Variants in RBPMS observed in about 807,000 individuals in gnomAD.
RBPMS encodes RNA-binding protein with multiple splicing.
In RBPMS, 7 loss-of-function variants were observed where a neutral mutation model predicts 26.8. That is an observed-to-expected ratio of 0.26 (90% CI 0.15 to 0.49). The LOEUF (loss-of-function observed/expected upper bound fraction) is 0.49. Among genes scored for constraint, RBPMS ranks in the 20% least tolerant of loss-of-function variants. The probability of loss-of-function intolerance (pLI) is 0.98; values close to 1 mark genes in which losing one functional copy is unlikely to be tolerated. For synonymous variants in RBPMS, 96 were observed against 93.3 expected (o/e 1.03, Z -0.17); for missense variants, 186 against 250.0 (o/e 0.74, Z 1.73).
chr8:30,490,006 A>T (rs902055136), intron 4 of RBPMS, among the ~76,000 whole-genome samples: 1 of 149,722 alleles, frequency 6.7e-6, no homozygotes, highest in Non-Finnish European at 1.5e-5. Flanking sequence ...TAGAGACAGG[A>T]TTTCACTGTG....
chr8:30,477,719 A>G, intron 2 of RBPMS, 80 bp from the exon 3 acceptor site: 1 of 986,662 alleles, frequency 1.0e-6, no homozygotes, highest in Non-Finnish European at 1.6e-6. Flanking sequence ...TAGGTAATCA[A>G]TAAAGAACTT....
chr8:30,511,480 AAAAAAAATATATATATATAT>A (rs1207241769), intron 5 of RBPMS, among the ~76,000 whole-genome samples: 6 of 16,528 alleles, frequency 3.6e-4, no homozygotes, highest in South Asian at 2.1e-3. Flanking sequence ...AGAAAAAAAA[AAAAAAAATATATATATATAT>A]ATATATATAT....
In RBPMS at chr8:30,512,544, A is replaced by T. The variant is rs908146270; in HGVS notation, c.397+8108A>T. 2.6e-5 allele frequency among the ~76,000 whole-genome samples: 4 copies of T among 152,090 alleles called. No homozygotes were observed. In the South Asian group the frequency reaches 8.3e-4, roughly 32 times the overall value. Reference sequence around the variant, plus strand: ...ACCCAGGCTGGAGTACAGTGGTGCAATCATAGTCATATCTCATCACTTCAG... The same window carrying T: ...ACCCAGGCTGGAGTACAGTGGTGCATTCATAGTCATATCTCATCACTTCAG... On this transcript the variant is annotated intron_variant, in intron 5 of 8. Transcript: ENST00000397323.
intron 5 of RBPMS, among the ~76,000 whole-genome samples, chr8:30,506,726 A>G (rs1349516771): frequency 6.6e-6 from 1 of 152,190 alleles, no homozygotes; most frequent in Admixed American, 6.5e-5. Flanking sequence ...TGTAGGCCAT[A>G]GAGGTTTTTT....
rs117740344 is a variant in RBPMS, at chr8:30,409,541, C to T, written c.66+24383C>T. 1.2e-3 allele frequency among the ~76,000 whole-genome samples: 183 copies of T among 152,172 alleles called. No homozygotes were observed. In the Middle Eastern group the frequency reaches 0.02, roughly 17 times the overall value. On this transcript the variant is annotated intron_variant, in intron 1 of 8. Transcript: ENST00000397323. Reference sequence around the variant, plus strand: ...CCAGTTATTTCTACTTTTTTCTGTCCGAGCTTATCCTTTGGGCTTTCCCCC... The same window carrying T: ...CCAGTTATTTCTACTTTTTTCTGTCTGAGCTTATCCTTTGGGCTTTCCCCC...
chr8:30,508,563 G>A (rs1360051987), intron 5 of RBPMS, among the ~76,000 whole-genome samples: 1 of 151,984 alleles, frequency 6.6e-6, no homozygotes, highest in Non-Finnish European at 1.5e-5. Context: ...ATAATTAAAA[G>A]ACCTGTAGTT....
chr8:30,523,181 A>C (rs1198169737), intron 5 of RBPMS, among the ~76,000 whole-genome samples: 1 of 152,128 alleles, frequency 6.6e-6, no homozygotes, highest in African/African-American at 2.4e-5. Context: ...GTTTGAGACC[A>C]GCCTGCCCAA....
rs568700524 is a variant in RBPMS at position 30,557,861 on chromosome 8, T to C, written c.529-1026T>C. Among the ~76,000 whole-genome samples the C allele has an allele frequency of 1.4e-3, 207 of 152,290 alleles. 3 individuals carry two copies. The highest frequency in any genetic ancestry group is 0.012 in the South Asian group (59 of 4,824). On this transcript the variant is annotated intron_variant, in intron 6 of 8. Transcript: ENST00000397323. ...CAAACGGCGCTTGCCCTTTTGGGTG[T>C]TTTTTGTTTTGTTTCTTGTTTGTTT...
chr8:30,555,880 A>G (rs1322890257), intron 6 of RBPMS: 1 of 985,424 alleles, frequency 1.0e-6, no homozygotes, highest in East Asian at 1.1e-4. Context: ...TTACCCCCAC[A>G]CAGTGATTAG....
intron 7 of RBPMS, chr8:30,564,613 C>A (rs910442943): frequency 1.3e-5 from 2 of 152,560 alleles, no homozygotes; most frequent in Non-Finnish European, 2.9e-5. Flanking sequence ...TGCAGCCCCC[C>A]AACCTGCTCC....
chr8:30,435,441 GAT>G (rs1251529533), intron 1 of RBPMS, among the ~76,000 whole-genome samples: 1 of 152,176 alleles, frequency 6.6e-6, no homozygotes. Flanking sequence ...GGCCTCTTGG[GAT>G]ATGTTGCCTG....
Position 30,449,369 on chromosome 8 carries a change from C to CTTTTT in RBPMS, c.67-25393_67-25389dup, listed in dbSNP as rs5890522. On this transcript the variant is annotated intron_variant, in intron 1 of 8. Transcript: ENST00000397323. ...TTGGATCCTTTTCCTCACATCTCCTCTTTTTTTTTTTTTTTTTTTTTGAGA... is the reference window on the plus strand; with the variant it reads ...TTGGATCCTTTTCCTCACATCTCCTCTTTTTTTTTTTTTTTTTTTTTTTTTTGAGA... Among the ~76,000 whole-genome samples the CTTTTT allele has an allele frequency of 1.7e-4, 18 of 106,474 alleles. 1 individual carries two copies. Among genetic ancestry groups the CTTTTT allele is most frequent in the African/African-American group, 5.2e-4 (13 of 25,126 alleles). 69.9% of individuals were successfully genotyped at this position (106,474 alleles called of 152,430 possible).
At chr8:30,550,907 T>A (rs1826308501) in intron 6 of RBPMS, among the ~76,000 whole-genome samples, 1 of 152,234 alleles carries the variant, frequency 6.6e-6, no homozygotes, top group Non-Finnish European at 1.5e-5. Context: ...TCCCTGACCT[T>A]TCCAGCTGCA....
intron 4 of RBPMS, among the ~76,000 whole-genome samples, chr8:30,496,269 C>T (rs760977746): frequency 2.6e-5 from 4 of 151,756 alleles, no homozygotes; most frequent in African/African-American, 7.3e-5. Context: ...CCTGATTTCA[C>T]GCCATTCTCC....
At chr8:30,553,238 CT>C (rs1826546699) in intron 6 of RBPMS, 1 of 152,206 alleles carries the variant, frequency 6.6e-6, no homozygotes, top group Non-Finnish European at 1.5e-5. Flanking sequence ...GGAGTGGTTC[CT>C]TTACAAGAGG....
intron 5 of RBPMS, among the ~76,000 whole-genome samples, chr8:30,515,137 A>T (rs775428711): frequency 6.6e-6 from 1 of 152,042 alleles, no homozygotes; most frequent in Non-Finnish European, 1.5e-5. Flanking sequence ...AGACCCAGCT[A>T]ATTTTTAAAC....
intron 5 of RBPMS, among the ~76,000 whole-genome samples, chr8:30,515,936 AC>A (rs1822259978): frequency 6.6e-6 from 1 of 152,216 alleles, no homozygotes; most frequent in Non-Finnish European, 1.5e-5. Flanking sequence ...GGCCTTAGGC[AC>A]CGTACCTGGC....
At chr8:30,519,629 G>T (rs564396059) in intron 5 of RBPMS, among the ~76,000 whole-genome samples, 7 of 151,728 alleles carry the variant, frequency 4.6e-5, no homozygotes, top group South Asian at 4.2e-4. Flanking sequence ...GACTATAGGC[G>T]CCCACCACTG....
intron 1 of RBPMS, among the ~76,000 whole-genome samples, chr8:30,416,822 T>C (rs1178167951): frequency 2.0e-5 from 3 of 151,878 alleles, no homozygotes; most frequent in Non-Finnish European, 2.9e-5. Flanking sequence ...TAGGCTGGAC[T>C]ACAGTGGTGC....
Sources: gnomAD v4.1 joint callset for allele counts (sites outside exome capture counted in the v4.1 genomes callset) on GRCh38, gnomAD v4.1.1 for gene constraint, MANE v1.5 for transcripts, NCBI Gene and HGNC (gene_info 2026-07-23, HGNC 2026-07-21) for gene names.